GRIK2: variants seen among roughly 807,000 people sequenced by gnomAD.
The protein encoded by GRIK2 is glutamate receptor ionotropic, kainate 2.
A neutral mutation model predicts 100.3 loss-of-function variants in GRIK2; 32 were observed. The observed-to-expected ratio is 0.32, with a 90% confidence interval of 0.24 to 0.43. GRIK2 has a LOEUF of 0.43. GRIK2 is among the 20% of genes least tolerant of loss of function. GRIK2 has a pLI of 1.00. For synonymous variants in GRIK2, 417 were observed against 389.4 expected (o/e 1.07, Z -0.83); for missense variants, 843 against 1,114.9 (o/e 0.76, Z 3.47).
intron 2 of GRIK2, among the ~76,000 whole-genome samples, chr6:101,508,970 AC>A (rs1426042718): frequency 2.0e-5 from 3 of 152,132 alleles, no homozygotes; most frequent in Admixed American, 6.5e-5. Context: ...CCTGGCTAAC[AC>A]GGTGAAACCC....
intron 14 of GRIK2, among the ~76,000 whole-genome samples, chr6:101,995,636 TG>T (rs767752684): frequency 6.6e-6 from 1 of 151,950 alleles, no homozygotes; most frequent in Non-Finnish European, 1.5e-5. Context: ...TGACAGAGGT[TG>T]AGATTTGTTC....
chr6:101,472,354 G>A (rs2248801), intron 2 of GRIK2, among the ~76,000 whole-genome samples: 38,687 of 151,548 alleles, frequency 0.26, 5,747 homozygotes, highest in East Asian at 0.36. Flanking sequence ...AGGTGCTACA[G>A]ATTACCTTTT....
At chr6:101,460,514 A>C (rs992378808) in intron 2 of GRIK2, among the ~76,000 whole-genome samples, 1 of 152,260 alleles carries the variant, frequency 6.6e-6, no homozygotes, top group African/African-American at 2.4e-5. Flanking sequence ...TATCATTAAC[A>C]GGAACTGTTG....
chr6:101,718,235 A>G (rs558848342), intron 7 of GRIK2, among the ~76,000 whole-genome samples: 39 of 151,976 alleles, frequency 2.6e-4, no homozygotes, highest in African/African-American at 8.9e-4. Context: ...AAGAGAAATC[A>G]TATTGGCTGT....
intron 4 of GRIK2, among the ~76,000 whole-genome samples, chr6:101,637,456 T>G (rs192720476): frequency 7.9e-5 from 12 of 152,250 alleles, no homozygotes; most frequent in Admixed American, 3.3e-4. Context: ...CTTTCCTCTC[T>G]CTCACCCTCT....
chr6:101,414,816 C>T (rs2852516), intron 2 of GRIK2, among the ~76,000 whole-genome samples: 13,898 of 152,178 alleles, frequency 0.091, 676 homozygotes, highest in South Asian at 0.14. Flanking sequence ...ATGTACCCAG[C>T]TGAAACATCT....
At chr6:101,933,660 T>G (rs2128473367) in intron 14 of GRIK2, among the ~76,000 whole-genome samples, 1 of 152,056 alleles carries the variant, frequency 6.6e-6, no homozygotes, top group Non-Finnish European at 1.5e-5. Context: ...CCTTGTTACT[T>G]TTGTCAAATT....
chr6:101,555,250 A>G (rs946032895), intron 2 of GRIK2, among the ~76,000 whole-genome samples: 1 of 152,170 alleles, frequency 6.6e-6, no homozygotes, highest in Non-Finnish European at 1.5e-5. Context: ...CTTTTCACAC[A>G]GTAACTGGGC....
intron 14 of GRIK2, among the ~76,000 whole-genome samples, chr6:102,008,611 G>C (rs1351029424): frequency 1.3e-5 from 2 of 152,018 alleles, no homozygotes; most frequent in African/African-American, 4.8e-5. Flanking sequence ...TAAAACATGA[G>C]ATGCTAACAC....
At chr6:101,764,443 GTA>G (rs200203857) in intron 7 of GRIK2, among the ~76,000 whole-genome samples, 1 of 151,272 alleles carries the variant, frequency 6.6e-6, no homozygotes, top group African/African-American at 2.4e-5. Context: ...CTGTGTGTGT[GTA>G]TGTGTGAGAG....
chr6:101,969,903 T>C (rs994529796), intron 14 of GRIK2, among the ~76,000 whole-genome samples: 1 of 152,012 alleles, frequency 6.6e-6, no homozygotes, highest in Non-Finnish European at 1.5e-5. Flanking sequence ...CTCTTGTTTT[T>C]ACTATCTTCA....
intron 10 of GRIK2, among the ~76,000 whole-genome samples, chr6:101,837,246 C>G (rs1388044732): frequency 6.6e-6 from 1 of 152,128 alleles, no homozygotes; most frequent in Non-Finnish European, 1.5e-5. Flanking sequence ...ACAGTATTGT[C>G]TGAAATCTCC....
At chr6:101,761,113 G>A (rs564767235) in intron 7 of GRIK2, among the ~76,000 whole-genome samples, 23 of 152,096 alleles carry the variant, frequency 1.5e-4, no homozygotes, top group Non-Finnish European at 2.9e-4. Flanking sequence ...CATCTAGAAA[G>A]ATCATAGCAT....
In GRIK2 at chr6:101,884,989, G is replaced by A. The variant is rs185688860; in HGVS notation, c.1525-4651G>A. Among the ~76,000 whole-genome samples, 6 of 152,108 alleles carry A rather than the reference G, an allele frequency of 3.9e-5. No individual in the cohort carries two copies. In the East Asian group the frequency reaches 9.7e-4, roughly 25 times the overall value. On this transcript the variant is annotated intron_variant, in intron 11 of 16. Transcript: ENST00000369134. ...GTAGGTGTCTTTGTTAGATTTCCAGGGAGGGAAACTTTACCATTCCCTCAG... is the reference window on the plus strand; with the variant it reads ...GTAGGTGTCTTTGTTAGATTTCCAGAGAGGGAAACTTTACCATTCCCTCAG...
At chr6:101,744,431 C>T (rs1246400137) in intron 7 of GRIK2, among the ~76,000 whole-genome samples, 6 of 149,184 alleles carry the variant, frequency 4.0e-5, no homozygotes, top group Non-Finnish European at 7.4e-5. Flanking sequence ...TCCACGATTC[C>T]ATCCAGGTTG....
At chr6:101,885,600 C>T (rs1351853298) in intron 11 of GRIK2, among the ~76,000 whole-genome samples, 3 of 152,104 alleles carry the variant, frequency 2.0e-5, no homozygotes, top group Non-Finnish European at 2.9e-5. Flanking sequence ...ATAATAGACA[C>T]ATTAATGCTA....
chr6:101,563,787 T>C (rs1158416458), intron 2 of GRIK2, among the ~76,000 whole-genome samples: 2 of 150,888 alleles, frequency 1.3e-5, no homozygotes, highest in Non-Finnish European at 2.9e-5. Context: ...TAAACACTCT[T>C]CCTGTAAACC....
Position 102,014,364 on chromosome 6 carries a change from T to C in GRIK2, c.2086-20977T>C, listed in dbSNP as rs951410381. 5.3e-5 allele frequency among the ~76,000 whole-genome samples: 8 copies of C among 152,202 alleles called. No individual in the cohort carries two copies. The South Asian group carries it at 1.7e-3, about 32-fold the overall frequency. Reference sequence around the variant, plus strand: ...CTTTATTAGTCTAGCTAGTGGTCTATGTATTAATTTTTTTTTCAAAAAACC... The same window carrying C: ...CTTTATTAGTCTAGCTAGTGGTCTACGTATTAATTTTTTTTTCAAAAAACC... On this transcript the variant is annotated intron_variant, in intron 14 of 16. Coordinates refer to ENST00000369134, the MANE Select transcript of GRIK2 (RefSeq NM_021956.5).
At chr6:101,528,243 G>A (rs1172661062) in intron 2 of GRIK2, among the ~76,000 whole-genome samples, 2 of 152,096 alleles carry the variant, frequency 1.3e-5, no homozygotes, top group Non-Finnish European at 1.5e-5. Flanking sequence ...TAAAACATGT[G>A]GGGCCAGATG....
Sources: allele counts gnomAD v4.1 joint callset (sites outside exome capture counted in the v4.1 genomes callset), GRCh38; gene constraint gnomAD v4.1.1; transcripts MANE v1.5; gene names NCBI Gene and HGNC (gene_info 2026-07-23, HGNC 2026-07-21).